The following NFIA variants were observed in gnomAD, a reference collection of about 807,000 sequenced individuals.
The protein encoded by NFIA is nuclear factor I A.
In NFIA, 8 loss-of-function variants were observed where a neutral mutation model predicts 62.8. The observed-to-expected ratio is 0.13, with a 90% CI of 0.07 to 0.23. The LOEUF is 0.23. NFIA is among the 10% of genes least tolerant of loss of function. NFIA has a pLI of 1.00. For synonymous variants in NFIA, 235 were observed against 238.1 expected (o/e 0.99, Z 0.12); for missense variants, 410 against 642.1 (o/e 0.64, Z 3.91).
At chr1:61,098,383 CTA>C (rs1353783349) in intron 2 of NFIA, among the ~76,000 whole-genome samples, 3 of 152,168 alleles carry the variant, frequency 2.0e-5, no homozygotes, top group African/African-American at 7.2e-5. Flanking sequence ...CTTTATATGA[CTA>C]TGACAAGATT....
intron 2 of NFIA, among the ~76,000 whole-genome samples, chr1:61,187,335 G>A (rs1477011726): frequency 6.6e-6 from 1 of 152,162 alleles, no homozygotes; most frequent in African/African-American, 2.4e-5. Flanking sequence ...CAAGTTCCCA[G>A]CAGTTGAAAT....
At chr1:61,369,072 T>C (rs1435731478) in intron 6 of NFIA, among the ~76,000 whole-genome samples, 1 of 152,208 alleles carries the variant, frequency 6.6e-6, no homozygotes, top group East Asian at 1.9e-4. Flanking sequence ...AAATAGCTGG[T>C]GCATCAGCCA....
At chr1:61,235,674 G>A (rs1021390189) in intron 2 of NFIA, among the ~76,000 whole-genome samples, 1 of 150,090 alleles carries the variant, frequency 6.7e-6, no homozygotes, top group African/African-American at 2.4e-5. Context: ...AAAGCTGGGT[G>A]TGGTGATGCA....
intron 2 of NFIA, among the ~76,000 whole-genome samples, chr1:61,144,248 G>A (rs1304706220): frequency 6.6e-6 from 1 of 152,206 alleles, no homozygotes; most frequent in Non-Finnish European, 1.5e-5. Context: ...TACTCAGTGA[G>A]AAGCTCTAGG....
chr1:61,344,895 G>T (rs538751676), intron 4 of NFIA, among the ~76,000 whole-genome samples: 3 of 152,180 alleles, frequency 2.0e-5, no homozygotes, highest in Non-Finnish European at 4.4e-5. Context: ...TGAGCAGCTT[G>T]TCTCTGGTGG....
intron 2 of NFIA, among the ~76,000 whole-genome samples, chr1:61,152,830 G>C (rs1438165267): frequency 6.6e-6 from 1 of 152,110 alleles, no homozygotes; most frequent in Non-Finnish European, 1.5e-5. Flanking sequence ...TCATTGTAGG[G>C]CTAATACTGT....
At chr1:61,386,771 A>G (rs1017531580) in intron 7 of NFIA, among the ~76,000 whole-genome samples, 9 of 152,244 alleles carry the variant, frequency 5.9e-5, no homozygotes, top group African/African-American at 1.9e-4. Context: ...AGCGTAGCAC[A>G]GCGGTTGTCC....
At chr1:61,161,934 G>A (rs1450559304) in intron 2 of NFIA, among the ~76,000 whole-genome samples, 1 of 152,126 alleles carries the variant, frequency 6.6e-6, no homozygotes, top group South Asian at 2.1e-4. Context: ...ATGAGTTAAT[G>A]TAGAAAACAG....
chr1:61,170,885 A>G (rs893640972), intron 2 of NFIA, among the ~76,000 whole-genome samples: 3 of 149,532 alleles, frequency 2.0e-5, no homozygotes, highest in African/African-American at 7.4e-5. Flanking sequence ...TTGTTGTTTT[A>G]AACAGTAATG....
At chr1:61,112,083 A>G (rs1020703384) in intron 2 of NFIA, among the ~76,000 whole-genome samples, 3 of 151,566 alleles carry the variant, frequency 2.0e-5, no homozygotes, top group African/African-American at 7.3e-5. Context: ...ACAACAAAGA[A>G]TTGTCTAAGA....
At chr1:61,277,667 C>T in intron 3 of NFIA, 82 bp downstream of exon 3, 2 of 1,413,984 alleles carry the variant, frequency 1.4e-6, no homozygotes, top group Admixed American at 3.5e-5. Flanking sequence ...GATTTGGGGG[C>T]CTACCCTATA....
intron 6 of NFIA, among the ~76,000 whole-genome samples, chr1:61,364,930 C>A (rs926539346): frequency 3.9e-5 from 6 of 152,148 alleles, no homozygotes; most frequent in African/African-American, 1.4e-4. Context: ...AAATAGAGAA[C>A]CCTGGCCGGG....
chr1:61,406,556 CCA>C lies in NFIA; in HGVS notation c.1255-3_1255-2del, dbSNP rs1491247926. The C allele has an allele frequency of 8.1e-5, 101 of 1,253,922 alleles. No homozygotes were observed. The highest frequency in any genetic ancestry group is 2.0e-4 in the African/African-American group (11 of 56,238). 77.7% of individuals were successfully genotyped at this position (1,253,922 alleles called of 1,614,324 possible). A position where few individuals can be genotyped will look rare whatever the true frequency, so the allele number is the denominator to read the frequency against. Reference sequence around the variant, plus strand: ...CGTGTGTTTTCTGCCCCCCCCCCCCCCACAGCCCAATGGGAGCAGCCAAGGCA... The same window carrying C: ...CGTGTGTTTTCTGCCCCCCCCCCCCCCAGCCCAATGGGAGCAGCCAAGGCA... On this transcript the variant is annotated splice_polypyrimidine_tract_variant and splice_region_variant and intron_variant, in intron 8 of 10. Coordinates refer to ENST00000403491, the MANE Select transcript of NFIA (RefSeq NM_001134673.4).
At chr1:61,447,439 A>G (rs1487375140) in intron 10 of NFIA, among the ~76,000 whole-genome samples, 1 of 152,202 alleles carries the variant, frequency 6.6e-6, no homozygotes, top group Non-Finnish European at 1.5e-5. Flanking sequence ...TGTGGAATCA[A>G]CAAATACAAA....
At chr1:61,287,233 G>T (rs567789465) in intron 3 of NFIA, among the ~76,000 whole-genome samples, 1 of 152,172 alleles carries the variant, frequency 6.6e-6, no homozygotes, top group Non-Finnish European at 1.5e-5. Context: ...TGTACACAAA[G>T]ACCTCATTCA....
rs555150741 is a variant in NFIA at position 61,266,364 on chromosome 1, TC to T, written c.560-11155del. Among the ~76,000 whole-genome samples, 3 of 151,172 alleles carry T rather than the reference TC, an allele frequency of 2.0e-5. No homozygotes were observed. In the South Asian group the frequency reaches 6.2e-4, roughly 31 times the overall value. Reference sequence around the variant, plus strand: ...AAAGAGCTAATTTTTTTTCTTTCTTTCTTTATTTTTTATTTTATTTTATTTT... The same window carrying T: ...AAAGAGCTAATTTTTTTTCTTTCTTTTTTATTTTTTATTTTATTTTATTTT... On this transcript the variant is annotated intron_variant, in intron 2 of 10. Transcript: ENST00000403491.
chr1:61,089,382 T>C (rs1256968109), intron 2 of NFIA, among the ~76,000 whole-genome samples: 2 of 152,132 alleles, frequency 1.3e-5, no homozygotes, highest in Admixed American at 1.3e-4. Context: ...AAATCTTAAA[T>C]TTTTTTTCTG....
chr1:61,186,434 G>A (rs540343110), intron 2 of NFIA, among the ~76,000 whole-genome samples: 2 of 152,248 alleles, frequency 1.3e-5, no homozygotes, highest in East Asian at 1.9e-4. Context: ...GCAGTGTGGC[G>A]GCTCAGTACT....
chr1:61,257,731 AGG>A (rs1656503375), intron 2 of NFIA, among the ~76,000 whole-genome samples: 2 of 152,028 alleles, frequency 1.3e-5, no homozygotes, highest in African/African-American at 2.4e-5. Flanking sequence ...TTTTCAAACC[AGG>A]GTCTCACTCT....
Sources: gnomAD v4.1 joint callset for allele counts (sites outside exome capture counted in the v4.1 genomes callset) on GRCh38, gnomAD v4.1.1 for gene constraint, MANE v1.5 for transcripts, NCBI Gene and HGNC (gene_info 2026-07-23, HGNC 2026-07-21) for gene names.